The following KCNIP1 variants were observed in gnomAD, a reference collection of about 807,000 sequenced individuals.
KCNIP1 encodes the protein potassium voltage-gated channel interacting protein 1, also known as A-type potassium channel modulatory protein KCNIP1.
In KCNIP1, 18 loss-of-function variants were observed where a neutral mutation model predicts 33.0. The observed-to-expected ratio is 0.55, with a 90% CI of 0.38 to 0.81. KCNIP1 has a LOEUF of 0.81. Ranked by LOEUF, KCNIP1 falls within the 30% of genes least tolerant of loss-of-function variation. The pLI, the probability that KCNIP1 is intolerant of heterozygous loss-of-function variation, is 0.00. For missense variants in KCNIP1, 238 were observed against 271.6 expected, an observed-to-expected ratio of 0.88 and a Z score of 0.87; for synonymous variants, 93 against 98.3, an observed-to-expected ratio of 0.95 and a Z score of 0.32.
At chr5:170,667,444 A>T (rs986138110) in intron 1 of KCNIP1, among the ~76,000 whole-genome samples, 2 of 152,260 alleles carry the variant, frequency 1.3e-5, no homozygotes, top group Non-Finnish European at 2.9e-5. Context: ...ATGAATTTGC[A>T]CAAGCAAACT....
At chr5:170,487,908 T>A (rs10041931) in intron 1 of KCNIP1, among the ~76,000 whole-genome samples, 13,007 of 152,144 alleles carry the variant, frequency 0.085, 1,272 homozygotes, top group African/African-American at 0.24. Flanking sequence ...TGCATGTTGT[T>A]CATGCTGGTT....
intron 1 of KCNIP1, among the ~76,000 whole-genome samples, chr5:170,498,534 A>C (rs1169803495): frequency 6.6e-6 from 1 of 152,120 alleles, no homozygotes; most frequent in Non-Finnish European, 1.5e-5. Flanking sequence ...TTTCCTTCCT[A>C]GCCTGAATGC....
At chr5:170,592,571 T>C (rs1223858239) in intron 1 of KCNIP1, among the ~76,000 whole-genome samples, 1 of 152,220 alleles carries the variant, frequency 6.6e-6, no homozygotes, top group East Asian at 1.9e-4. Context: ...ACTACATAAA[T>C]TGAGTGTGGT....
intron 1 of KCNIP1, among the ~76,000 whole-genome samples, chr5:170,613,636 G>T (rs183176831): frequency 1.3e-5 from 2 of 152,172 alleles, no homozygotes; most frequent in Non-Finnish European, 2.9e-5. Context: ...AGGAGGCGGG[G>T]AGGGCCGGGA....
At chr5:170,500,706 GATGTTGGCTGC>G (rs780849607), upstream of KCNIP1, among the ~76,000 whole-genome samples, 19 of 152,206 alleles carry the variant, frequency 1.2e-4, no homozygotes, top group Non-Finnish European at 2.5e-4. Flanking sequence ...TCTCATGGGT[GATGTTGGCTGC>G]ATTGTACAGT....
chr5:170,590,183 T>G (rs941395243), intron 1 of KCNIP1, among the ~76,000 whole-genome samples: 7 of 151,674 alleles, frequency 4.6e-5, no homozygotes, highest in Non-Finnish European at 1.0e-4. Flanking sequence ...AAAGAAGAGG[T>G]AGTTGGGAGT....
intron 1 of KCNIP1, among the ~76,000 whole-genome samples, chr5:170,455,339 T>C (rs1354887701): frequency 6.6e-6 from 1 of 151,792 alleles, no homozygotes; most frequent in Non-Finnish European, 1.5e-5. Context: ...CTCTTTCTCC[T>C]TCTCCTTCTT....
At chr5:170,598,904 C>CGTGTGCGCGT (rs1758570711) in intron 1 of KCNIP1, among the ~76,000 whole-genome samples, 1 of 133,776 alleles carries the variant, frequency 7.5e-6, no homozygotes, top group African/African-American at 2.9e-5. Context: ...TGTGTGTGCG[C>CGTGTGCGCGT]GTGTGTGTGT....
chr5:170,613,648 C>T (rs1759264846), intron 1 of KCNIP1, among the ~76,000 whole-genome samples: 1 of 152,048 alleles, frequency 6.6e-6, no homozygotes, highest in African/African-American at 2.4e-5. Context: ...GGGCCGGGAG[C>T]TGGAAATGTA....
In KCNIP1 at chr5:170,413,129, C is replaced by T. The variant is rs570148420; in HGVS notation, c.88+59165C>T. Reference sequence around the variant, plus strand: ...GAAGGAATGATGGTGGGTAAATCGGCGAGTGTGTGGCCTACACAGGACATT... The same window carrying T: ...GAAGGAATGATGGTGGGTAAATCGGTGAGTGTGTGGCCTACACAGGACATT... On this transcript the variant is annotated intron_variant, in intron 1 of 7. Coordinates refer to the KCNIP1 transcript ENST00000377360. Among the ~76,000 whole-genome samples, 10 of 152,302 alleles carry T rather than the reference C, an allele frequency of 6.6e-5. No homozygotes were observed. In the South Asian group the frequency reaches 1.4e-3, roughly 22 times the overall value.
At chr5:170,605,861 G>A (rs1342914124) in intron 1 of KCNIP1, among the ~76,000 whole-genome samples, 1 of 143,592 alleles carries the variant, frequency 7.0e-6, no homozygotes, top group Non-Finnish European at 1.5e-5. Context: ...TGTAACCTCT[G>A]CCCCCTGGGT....
intron 1 of KCNIP1, among the ~76,000 whole-genome samples, chr5:170,516,174 G>A (rs1309229203): frequency 1.3e-5 from 2 of 152,178 alleles, no homozygotes; most frequent in East Asian, 3.9e-4. Context: ...AAAGCACCAA[G>A]CAAGTAGGGA....
At chr5:170,358,635 A>T (rs904547996) in intron 1 of KCNIP1, among the ~76,000 whole-genome samples, 1 of 152,224 alleles carries the variant, frequency 6.6e-6, no homozygotes, top group Non-Finnish European at 1.5e-5. Flanking sequence ...TGTAATGATG[A>T]TATGAGTAAG....
intron 1 of KCNIP1, among the ~76,000 whole-genome samples, chr5:170,692,377 T>G (rs1041166222): frequency 3.3e-5 from 5 of 152,230 alleles, no homozygotes; most frequent in Admixed American, 6.5e-5. Flanking sequence ...TCCCCCAGGC[T>G]TGGAGAAGCA....
At chr5:170,614,670 C>G (rs1485910453) in intron 1 of KCNIP1, among the ~76,000 whole-genome samples, 2 of 152,140 alleles carry the variant, frequency 1.3e-5, no homozygotes, top group Non-Finnish European at 2.9e-5. Context: ...TGCAATCAGC[C>G]CTATCAGATT....
At chr5:170,558,597 C>A (rs1195045589) in intron 1 of KCNIP1, among the ~76,000 whole-genome samples, 41 of 152,190 alleles carry the variant, frequency 2.7e-4, no homozygotes, top group Admixed American at 2.7e-3. Context: ...AGCTGCATCC[C>A]AGCAGCTGTG....
intron 1 of KCNIP1, among the ~76,000 whole-genome samples, chr5:170,402,614 C>T (rs1441355333): frequency 6.6e-6 from 1 of 152,180 alleles, no homozygotes; most frequent in Non-Finnish European, 1.5e-5. Context: ...ATCTGATACA[C>T]AGACACATTG....
chr5:170,434,794 A>C (rs1410303921), intron 1 of KCNIP1, among the ~76,000 whole-genome samples: 1 of 152,186 alleles, frequency 6.6e-6, no homozygotes, highest in Non-Finnish European at 1.5e-5. Context: ...ATCTCTACTT[A>C]AAATACAAAA....
intron 2 of KCNIP1, among the ~76,000 whole-genome samples, chr5:170,719,212 G>A (rs1024492071): frequency 6.6e-6 from 1 of 151,966 alleles, no homozygotes; most frequent in African/African-American, 2.4e-5. Context: ...CACAATAATG[G>A]GATTTGGCCC....
Sources: allele counts gnomAD v4.1 joint callset (sites outside exome capture counted in the v4.1 genomes callset), GRCh38; gene constraint gnomAD v4.1.1; transcripts MANE v1.5; gene names NCBI Gene and HGNC (gene_info 2026-07-23, HGNC 2026-07-21).